Variants in MYH10 observed in about 807,000 individuals in gnomAD.
The protein encoded by MYH10 is myosin heavy chain 10.
A neutral mutation model predicts 257.8 loss-of-function variants in MYH10; 55 were observed. That is an observed-to-expected ratio of 0.21 (90% CI 0.17 to 0.27). MYH10 has a LOEUF of 0.27. MYH10 is among the 10% of genes least tolerant of loss of function. The pLI, the probability that MYH10 is intolerant of heterozygous loss-of-function variation, is 1.00. For missense variants in MYH10, 1,631 were observed against 2,500.6 expected (o/e 0.65, Z 7.42); for synonymous variants, 854 against 921.7 (o/e 0.93, Z 1.33).
At chr17:8,571,938 T>TTA (rs398119674) in intron 6 of MYH10, among the ~76,000 whole-genome samples, 7 of 151,138 alleles carry the variant, frequency 4.6e-5, no homozygotes, top group African/African-American at 7.3e-5. Flanking sequence ...TTTTTTTTTT[T>TTA]AAACCTAATT....
rs987876654 is a variant in MYH10 at position 8,630,694 on chromosome 17, G to A, written c.-72C>T. Reference sequence around the variant, plus strand: ...GTGGCGCGGGCGCACGTCCCCAGCCGCGACCACAGATCCAGCGCCTCAGTC... The same window carrying A: ...GTGGCGCGGGCGCACGTCCCCAGCCACGACCACAGATCCAGCGCCTCAGTC... On this transcript the variant is annotated 5_prime_UTR_variant, in exon 1 of 43. Transcript: ENST00000360416. 11 of 152,552 alleles carry A rather than the reference G, an allele frequency of 7.2e-5. No homozygotes were observed. The highest frequency in any genetic ancestry group is 1.3e-4 in the Non-Finnish European group (9 of 68,896). The allele number at this position is 152,552 out of a possible 1,614,324, so 9.4% of individuals were successfully genotyped here. A position where few individuals can be genotyped will look rare whatever the true frequency, so the allele number is the denominator to read the frequency against.
rs1304993117 is a variant in MYH10 at position 8,504,307 on chromosome 17, T to C, written c.3599+387A>G. On this transcript the variant is annotated intron_variant, in intron 28 of 42. Transcript: ENST00000360416. This position sits in a 1 kb window ranked among gnomAD's most constrained non-coding sequence, Gnocchi z 5.6. ...CACCACCTAGCACTGCCAGCATGTG[T>C]GCCTGGCCTCCTGGGTATCTCCTCC... Among the ~76,000 whole-genome samples the C allele has an allele frequency of 2.6e-5, 4 of 152,194 alleles. No individual in the cohort carries two copies. The highest frequency in any genetic ancestry group is 5.9e-5 in the Non-Finnish European group (4 of 68,018).
At chr17:8,583,049 G>A (rs1238087023) in intron 4 of MYH10, among the ~76,000 whole-genome samples, 1 of 152,194 alleles carries the variant, frequency 6.6e-6, no homozygotes, top group Non-Finnish European at 1.5e-5. Flanking sequence ...TTAGAGAGCA[G>A]CTTACTGGGA....
At chr17:8,600,656 G>A (rs2084556156) in intron 3 of MYH10, among the ~76,000 whole-genome samples, 1 of 152,146 alleles carries the variant, frequency 6.6e-6, no homozygotes, top group Admixed American at 6.5e-5. Context: ...ACAACGTGCT[G>A]GGGCCCATCA....
intron 14 of MYH10, among the ~76,000 whole-genome samples, chr17:8,541,403 A>C (rs186440593): frequency 6.6e-6 from 1 of 152,376 alleles, no homozygotes; most frequent in Non-Finnish European, 1.5e-5. Context: ...ATAGCAAAAT[A>C]AAATAAATGA....
Position 8,490,307 on chromosome 17 carries a change from C to T in MYH10, c.4884+33G>A. On this transcript the variant is annotated intron_variant, in intron 35 of 42. Transcript: ENST00000360416. This position sits in a 1 kb window ranked among gnomAD's most constrained non-coding sequence, Gnocchi z 4.1. ...AGAGCTGGGCTTTGAGAGCCTGCACCCCTTGTTGTGGAGGCCGCACCCTCT... is the reference window on the plus strand; with the variant it reads ...AGAGCTGGGCTTTGAGAGCCTGCACTCCTTGTTGTGGAGGCCGCACCCTCT... 1 of 1,599,642 alleles carries T rather than the reference C, an allele frequency of 6.3e-7. No individual in the cohort carries two copies. The highest frequency in any genetic ancestry group is 8.5e-7 in the Non-Finnish European group (1 of 1,170,208).
Position 8,492,453 on chromosome 17 carries a change from G to A in MYH10, c.4515C>T (p.Ala1505=), listed in dbSNP as rs1424597927. The change falls in exon 34 of 43, where the codon GCC becomes GCT. Residue 1505 remains alanine, a synonymous_variant. Transcript: ENST00000360416. The part of the protein sequence containing the change: ...SARYAEERDR[A]EAEAREKETK... ...TTTCTTTCTCTCTGGCCTCGGCTTCGGCCCGGTCCCGCTCTTCGGCATAGC... is the reference window on the plus strand; with the variant it reads ...TTTCTTTCTCTCTGGCCTCGGCTTCAGCCCGGTCCCGCTCTTCGGCATAGC... 8.1e-6 allele frequency: 13 copies of A among 1,612,626 alleles called. No homozygotes were observed. In the East Asian group the frequency reaches 1.6e-4, roughly 19 times the overall value.
At chr17:8,614,360 A>C (rs1241443189) in intron 2 of MYH10, among the ~76,000 whole-genome samples, 2 of 122,544 alleles carry the variant, frequency 1.6e-5, no homozygotes, top group Non-Finnish European at 3.2e-5. Context: ...CTGTTGTTCA[A>C]GCTGGAGTGG....
intron 17 of MYH10, among the ~76,000 whole-genome samples, chr17:8,528,258 C>A (rs542092519): frequency 7.2e-5 from 11 of 152,266 alleles, no homozygotes; most frequent in South Asian, 2.1e-4. Flanking sequence ...AGGTCTAAAG[C>A]CTTTGATAGT....
chr17:8,492,756 A>C lies in MYH10; in HGVS notation c.4458+20T>G, dbSNP rs781700380. The C allele has an allele frequency of 1.2e-6, 2 of 1,610,210 alleles. No homozygotes were observed. The highest frequency in any genetic ancestry group is 4.5e-5 in the East Asian group (2 of 44,846). Reference sequence around the variant, plus strand: ...AAAGCAAGAGCTCTGCCAGGAGGAAACGACACGTGGCCGACCCACCTGGTC... The same window carrying C: ...AAAGCAAGAGCTCTGCCAGGAGGAACCGACACGTGGCCGACCCACCTGGTC... On this transcript the variant is annotated intron_variant, in intron 33 of 42. Coordinates refer to ENST00000360416, the MANE Select transcript of MYH10 (RefSeq NM_001256012.3).
chr17:8,486,543 CAAAAAAAAAAAAAAAAAAAAAAAA>C (rs67844660), intron 36 of MYH10, among the ~76,000 whole-genome samples: 2 of 120,766 alleles, frequency 1.7e-5, no homozygotes, highest in South Asian at 2.5e-4. Flanking sequence ...TATTTAGCTT[CAAAAAAAAAAAAAAAAAAAAAAAA>C]AAAAAAAAAA....
chr17:8,607,530 T>G (rs2084857563), intron 2 of MYH10, among the ~76,000 whole-genome samples: 1 of 152,214 alleles, frequency 6.6e-6, no homozygotes, highest in African/African-American at 2.4e-5. Flanking sequence ...AGGAACATTA[T>G]TAAAGTGCTT....
chr17:8,497,980 C>CTTTTTTTTT (rs71159593), intron 30 of MYH10, among the ~76,000 whole-genome samples: 1 of 103,426 alleles, frequency 9.7e-6, no homozygotes, highest in South Asian at 3.5e-4. Context: ...AATACTATGC[C>CTTTTTTTTT]TTTTTTTTTT....
chr17:8,521,226 C>T lies in MYH10; in HGVS notation c.2017G>A (p.Ala673Thr), dbSNP rs1022810378. The T allele has an allele frequency of 5.6e-6, 9 of 1,614,124 alleles. No individual in the cohort carries two copies. The highest frequency in any genetic ancestry group is 1.6e-4 in the Middle Eastern group (1 of 6,062). The change falls in exon 18 of 43, where the codon GCA becomes ACA. Residue 673 changes from alanine (A) to threonine (T), a missense_variant. By Grantham distance (58) the Ala-to-Thr change is moderately conservative. Around this residue, in one of 11 missense-constraint regions of MYH10, gnomAD observed 96 missense variants for 146.2 expected, o/e 0.66. Transcript: ENST00000360416. ...AACATGCCCTTCTTGGTTTTATATG[C>T]GGAGCCAAAAGCTGTCTCAGTCATA... The part of the protein sequence containing the change: ...TGMTETAFGS[A>T]YKTKKGMFRT...
Position 8,490,486 on chromosome 17 carries a change from C to T in MYH10, c.4738G>A (p.Glu1580Lys). The stretch of plus-strand genomic sequence containing the variant: ...GCCTGGAGTTCGTCTTCCAGCTCCT[C>T]CAGCTGGGTCCTCATTTCCTCCACC... ...QQVEEMRTQL[E>K]ELEDELQATE... Residue 1580 changes from glutamate (E) to lysine (K), a missense_variant, in exon 35 of 43, where the codon GAG becomes AAG. Around this residue, in one of 11 missense-constraint regions of MYH10, gnomAD observed 463 missense variants for 621.8 expected, o/e 0.74. Coordinates refer to ENST00000360416, the MANE Select transcript of MYH10 (RefSeq NM_001256012.3). The surrounding 1 kb of genome is among the most constrained non-coding windows in gnomAD (Gnocchi z 4.1). 1.2e-6 allele frequency: 2 copies of T among 1,614,228 alleles called. No homozygotes were observed. Among genetic ancestry groups the T allele is most frequent in the African/African-American group, 1.3e-5 (1 of 75,052 alleles).
At chr17:8,573,770 T>C in intron 6 of MYH10, 1 of 781,508 alleles carries the variant, frequency 1.3e-6, no homozygotes, top group African/African-American at 1.9e-5. Flanking sequence ...TTAAGTATTG[T>C]CACTTTAATT....
chr17:8,501,284 A>G (rs575517066), intron 28 of MYH10, among the ~76,000 whole-genome samples: 1 of 152,176 alleles, frequency 6.6e-6, no homozygotes, highest in African/African-American at 2.4e-5. Flanking sequence ...GTGAGACCCT[A>G]TCTTTAAAAA....
rs1312579021 is a variant in MYH10 at position 8,492,369 on chromosome 17, A to C, written c.4599T>G (p.Phe1533Leu). 1 of 1,613,670 alleles carries C rather than the reference A, an allele frequency of 6.2e-7. No individual in the cohort carries two copies. Among genetic ancestry groups the C allele is most frequent in the African/African-American group, 1.3e-5 (1 of 74,912 alleles). ...LEEALEAKEE[F>L]ERQNKQLRAD... is the part of the protein sequence containing the mutation. ...CTCGGAGCTGCTTGTTCTGCCTCTC[A>C]AACTCCTCCTTGGCCTCCAGGGCTT... The change falls in exon 34 of 43, where the codon TTT becomes TTG. Residue 1533 changes from phenylalanine to leucine, a missense_variant. Around this residue, in one of 11 missense-constraint regions of MYH10, gnomAD observed 463 missense variants for 621.8 expected, o/e 0.74. Coordinates refer to ENST00000360416, the MANE Select transcript of MYH10 (RefSeq NM_001256012.3).
intron 6 of MYH10, among the ~76,000 whole-genome samples, chr17:8,574,450 G>T (rs1302542018): frequency 6.6e-6 from 1 of 152,180 alleles, no homozygotes; most frequent in East Asian, 1.9e-4. Context: ...AATTGATTAT[G>T]ATAATAATTG....
Sources: allele counts gnomAD v4.1 joint callset (sites outside exome capture counted in the v4.1 genomes callset), GRCh38; gene constraint gnomAD v4.1.1; regional missense constraint gnomAD v4.1.1; non-coding constraint Gnocchi (gnomAD v3.1); transcripts MANE v1.5; gene names NCBI Gene and HGNC (gene_info 2026-07-23, HGNC 2026-07-21).